The following SIRPG variants were observed in gnomAD, a reference collection of about 807,000 sequenced individuals.
SIRPG encodes the protein signal regulatory protein gamma.
Under a neutral mutation model 35.7 loss-of-function variants are expected in SIRPG, and 38 were observed. The observed-to-expected ratio is 1.06, with a 90% CI of 0.82 to 1.40. SIRPG has a LOEUF of 1.40. Ranked by LOEUF, SIRPG falls within the 40% of genes most tolerant of loss-of-function variation. SIRPG has a pLI of 0.00. For synonymous variants in SIRPG, 215 were observed against 190.4 expected, an observed-to-expected ratio of 1.13 and a Z score of -1.06; for missense variants, 519 against 483.0, an observed-to-expected ratio of 1.07 and a Z score of -0.70.
intron 2 of SIRPG, among the ~76,000 whole-genome samples, chr20:1,640,922 C>A (rs1050725535): frequency 1.3e-5 from 2 of 152,094 alleles, no homozygotes; most frequent in Non-Finnish European, 2.9e-5. Context: ...TCTTGATTTG[C>A]GTATGTTGAA....
At chr20:1,673,258 T>C in the SIRPG span, among the ~76,000 whole-genome samples, 1 of 152,156 alleles carries the variant, frequency 6.6e-6, no homozygotes, top group Admixed American at 6.5e-5. Context: ...TTTCCATTTA[T>C]GGGAGCCTGA....
the SIRPG span, among the ~76,000 whole-genome samples, chr20:1,683,973 A>G: frequency 6.6e-6 from 1 of 152,104 alleles, no homozygotes; most frequent in Non-Finnish European, 1.5e-5. Flanking sequence ...CCGTCTCAAA[A>G]AAAAAAAAGA....
intron 1 of SIRPG, 87 bp from the exon 2 acceptor site, chr20:1,649,495 T>G: frequency 8.1e-7 from 1 of 1,236,258 alleles, no homozygotes; most frequent in Non-Finnish European, 1.1e-6. Flanking sequence ...AGTGACTGGG[T>G]GCACATCAGG....
At chr20:1,674,045 A>G in the SIRPG span, among the ~76,000 whole-genome samples, 3 of 152,194 alleles carry the variant, frequency 2.0e-5, no homozygotes, top group African/African-American at 7.2e-5. Context: ...ATTCTGAAGC[A>G]TCCACATCCA....
chr20:1,638,503 C>T (rs549369768), intron 2 of SIRPG: 135 of 152,206 alleles, frequency 8.9e-4, no homozygotes, highest in African/African-American at 3.1e-3. Flanking sequence ...AAAAGCAAAA[C>T]CACCAAGTCT....
chr20:1,641,966 A>G (rs1490985132), intron 2 of SIRPG, among the ~76,000 whole-genome samples: 2 of 152,212 alleles, frequency 1.3e-5, no homozygotes, highest in East Asian at 1.9e-4. Flanking sequence ...ACTGTTGGCT[A>G]TGATTTCCGT....
At chr20:1,632,911 A>G (rs1350481618) in intron 4 of SIRPG, among the ~76,000 whole-genome samples, 1 of 152,166 alleles carries the variant, frequency 6.6e-6, no homozygotes, top group Admixed American at 6.5e-5. Context: ...AGTGCAAAAA[A>G]TGAATAAACT....
intron 4 of SIRPG, 151 bp downstream of exon 4, chr20:1,635,116 T>A: frequency 1.6e-6 from 1 of 613,762 alleles, no homozygotes. Context: ...TTACTAGTCA[T>A]GACTCTTCGC....
chr20:1,649,075 G>A lies in SIRPG; in HGVS notation c.407C>T (p.Pro136Leu). 6.2e-7 allele frequency: 1 copy of A among 1,613,502 alleles called. No individual in the cohort carries two copies. Residue 136 changes from proline (P) to leucine (L), a missense_variant, in exon 2 of 6, where the codon CCA becomes CTA. Coordinates refer to ENST00000303415, the MANE Select transcript of SIRPG (RefSeq NM_018556.4). ...ACCACCCAAAGCCATCTCAGTGCCT[G>A]GTCCAGACTTAAACTCCACGTTCTC... The part of the protein sequence containing the change: ...SPENVEFKSG[P>L]GTEMALGAKP...
At chr20:1,667,691 A>G in the SIRPG span, among the ~76,000 whole-genome samples, 2 of 152,206 alleles carry the variant, frequency 1.3e-5, no homozygotes, top group Non-Finnish European at 2.9e-5. Flanking sequence ...TGTTCTGGGC[A>G]GTCCTCTGGG....
chr20:1,669,130 A>C, the SIRPG span, among the ~76,000 whole-genome samples: 2 of 152,186 alleles, frequency 1.3e-5, no homozygotes, highest in African/African-American at 4.8e-5. Flanking sequence ...AATGTCTAGC[A>C]GAAGGGAATA....
chr20:1,644,605 C>T (rs1027695527), intron 2 of SIRPG, among the ~76,000 whole-genome samples: 3 of 152,178 alleles, frequency 2.0e-5, no homozygotes, highest in African/African-American at 7.2e-5. Context: ...GGGAGCTCAG[C>T]AGCCTTAAGG....
chr20:1,633,199 A>G (rs1359637261), intron 4 of SIRPG, among the ~76,000 whole-genome samples: 1 of 152,124 alleles, frequency 6.6e-6, no homozygotes, highest in East Asian at 1.9e-4. Flanking sequence ...CTCACCCAAT[A>G]TGAAATGAAT....
the SIRPG span, among the ~76,000 whole-genome samples, chr20:1,668,788 C>T: frequency 6.6e-6 from 1 of 152,174 alleles, no homozygotes; most frequent in Non-Finnish European, 1.5e-5. Flanking sequence ...CATCAGATCA[C>T]CCAGGATGGA....
At chr20:1,651,582 C>A (rs2091940361) in intron 1 of SIRPG, among the ~76,000 whole-genome samples, 2 of 152,136 alleles carry the variant, frequency 1.3e-5, no homozygotes, top group Admixed American at 1.3e-4. Context: ...ACACAACCTG[C>A]AGGACTTACT....
the SIRPG span, among the ~76,000 whole-genome samples, chr20:1,668,199 TTTTCTTTC>T: frequency 0.016 from 1,098 of 67,374 alleles, 22 homozygotes; most frequent in African/African-American, 0.047. Flanking sequence ...TTTTCTTTTC[TTTTCTTTC>T]TTTCTTTCTT....
chr20:1,676,752 T>G, the SIRPG span: 1 of 205,912 alleles, frequency 4.9e-6, no homozygotes, highest in Non-Finnish European at 1.0e-5. Flanking sequence ...ATTCGTGGCC[T>G]GGTCCAGCTC....
upstream of SIRPG, among the ~76,000 whole-genome samples, chr20:1,658,402 T>C (rs2091986546): frequency 6.6e-6 from 1 of 152,018 alleles, no homozygotes; most frequent in African/African-American, 2.4e-5. Flanking sequence ...GAGGTGGGGA[T>C]TGTGGGTTAT....
intron 2 of SIRPG, among the ~76,000 whole-genome samples, chr20:1,645,027 C>A (rs2091887193): frequency 6.6e-6 from 1 of 152,186 alleles, no homozygotes; most frequent in Non-Finnish European, 1.5e-5. Context: ...TGTTTTGAGG[C>A]AGGGAGACTT....
Sources: gnomAD v4.1 joint callset for allele counts (sites outside exome capture counted in the v4.1 genomes callset) on GRCh38, gnomAD v4.1.1 for gene constraint, MANE v1.5 for transcripts, NCBI Gene and HGNC (gene_info 2026-07-23, HGNC 2026-07-21) for gene names.